Variants in MAML3 observed in about 807,000 individuals in gnomAD.
MAML3 encodes the protein mastermind-like protein 3.
MAML3 carries 27 observed loss-of-function variants against 101.9 expected under a neutral mutation model. That is an observed-to-expected ratio of 0.27 (90% CI 0.20 to 0.37). The LOEUF is 0.37. Among genes scored for constraint, MAML3 ranks in the 10% least tolerant of loss-of-function variants. The pLI is 1.00. For missense variants in MAML3, 1,316 were observed against 1,444.9 expected (o/e 0.91, Z 1.45); for synonymous variants, 501 against 555.9 (o/e 0.90, Z 1.39).
chr4:139,781,683 T>G (rs2111080364), intron 2 of MAML3, among the ~76,000 whole-genome samples: 1 of 152,196 alleles, frequency 6.6e-6, no homozygotes, highest in Admixed American at 6.5e-5. Flanking sequence ...CACAGGGCAG[T>G]GAAGTGTGGT....
chr4:139,830,249 C>A (rs886247384), intron 2 of MAML3, among the ~76,000 whole-genome samples: 4 of 152,122 alleles, frequency 2.6e-5, no homozygotes, highest in Non-Finnish European at 4.4e-5. Context: ...AGTGGAGGAC[C>A]TTGACAGTCC....
At chr4:140,013,724 G>T (rs1726600681) in intron 1 of MAML3, among the ~76,000 whole-genome samples, 1 of 152,142 alleles carries the variant, frequency 6.6e-6, no homozygotes, top group African/African-American at 2.4e-5. Flanking sequence ...TCCATTTCTG[G>T]AGCATGAGCT....
chr4:139,954,499 A>G (rs1453912385), intron 1 of MAML3, among the ~76,000 whole-genome samples: 1 of 152,182 alleles, frequency 6.6e-6, no homozygotes, highest in East Asian at 1.9e-4. Context: ...ACCCATGACA[A>G]GTACAGCTGC....
At chr4:139,947,426 T>C (rs1210265865) in intron 1 of MAML3, among the ~76,000 whole-genome samples, 1 of 152,188 alleles carries the variant, frequency 6.6e-6, no homozygotes, top group African/African-American at 2.4e-5. Flanking sequence ...CACACATCTC[T>C]GCCACCAGGA....
At chr4:140,074,175 G>GAA (rs147103242) in intron 1 of MAML3, among the ~76,000 whole-genome samples, 1 of 74,446 alleles carries the variant, frequency 1.3e-5, no homozygotes. Context: ...AGGAAAGAAA[G>GAA]AAAGAGAGAG....
At chr4:140,152,514 C>T (rs1178587119) in intron 1 of MAML3, among the ~76,000 whole-genome samples, 1 of 151,992 alleles carries the variant, frequency 6.6e-6, no homozygotes. Flanking sequence ...GGTTTCAACT[C>T]AGGGGTTCAC....
intron 2 of MAML3, among the ~76,000 whole-genome samples, chr4:139,787,835 T>G (rs1039707284): frequency 1.3e-5 from 2 of 152,222 alleles, no homozygotes; most frequent in African/African-American, 4.8e-5. Flanking sequence ...GCTTTCACAC[T>G]ACCCAATCCC....
At chr4:140,148,574 A>G (rs1729103217) in intron 1 of MAML3, among the ~76,000 whole-genome samples, 1 of 152,230 alleles carries the variant, frequency 6.6e-6, no homozygotes, top group Non-Finnish European at 1.5e-5. Context: ...TAAGCCAAAG[A>G]AAAGGTTATC....
intron 2 of MAML3, among the ~76,000 whole-genome samples, chr4:139,786,420 C>T (rs1730304967): frequency 6.6e-6 from 1 of 152,068 alleles, no homozygotes; most frequent in African/African-American, 2.4e-5. Context: ...TGATATATGG[C>T]TTATGAAGAG....
chr4:139,933,792 G>A (rs1490072734), intron 1 of MAML3, among the ~76,000 whole-genome samples: 1 of 152,170 alleles, frequency 6.6e-6, no homozygotes, highest in Admixed American at 6.5e-5. Flanking sequence ...GAACCCTTCC[G>A]CTTCCTGAGG....
chr4:140,125,086 TA>T (rs1728663875), intron 1 of MAML3, among the ~76,000 whole-genome samples: 2 of 152,238 alleles, frequency 1.3e-5, no homozygotes, highest in South Asian at 4.1e-4. Context: ...AACTTTAGCT[TA>T]TTTTTCTATA....
chr4:140,127,107 A>G (rs1728696887), intron 1 of MAML3, among the ~76,000 whole-genome samples: 1 of 152,202 alleles, frequency 6.6e-6, no homozygotes, highest in Admixed American at 6.5e-5. Flanking sequence ...CATAGGGCTT[A>G]TGCTTCTGAG....
chr4:139,886,735 T>A (rs1351056996), intron 2 of MAML3, among the ~76,000 whole-genome samples: 2 of 152,196 alleles, frequency 1.3e-5, no homozygotes, highest in African/African-American at 4.8e-5. Context: ...TGTTCAACCA[T>A]CTGATCAAAA....
chr4:139,851,107 T>TC (rs1731539413), intron 2 of MAML3, among the ~76,000 whole-genome samples: 1 of 152,192 alleles, frequency 6.6e-6, no homozygotes, highest in Non-Finnish European at 1.5e-5. Flanking sequence ...TCAAATACTG[T>TC]CCCTCCAGGC....
chr4:140,048,250 T>C (rs539532521), intron 1 of MAML3, among the ~76,000 whole-genome samples: 1 of 152,326 alleles, frequency 6.6e-6, no homozygotes, highest in South Asian at 2.1e-4. Flanking sequence ...TATCATTCTT[T>C]TGATATCTTC....
At chr4:139,782,851 C>G (rs969248423) in intron 2 of MAML3, among the ~76,000 whole-genome samples, 1 of 152,166 alleles carries the variant, frequency 6.6e-6, no homozygotes, top group African/African-American at 2.4e-5. Context: ...TTGGGAATCA[C>G]CTTTCACCTA....
chr4:139,769,246 A>G (rs1039397952), intron 2 of MAML3, among the ~76,000 whole-genome samples: 1 of 152,160 alleles, frequency 6.6e-6, no homozygotes, highest in East Asian at 1.9e-4. Context: ...CTCCTACAGG[A>G]GGAGAGATGC....
chr4:139,875,132 A>T (rs184459988), intron 2 of MAML3, among the ~76,000 whole-genome samples: 117 of 152,226 alleles, frequency 7.7e-4, no homozygotes, highest in Non-Finnish European at 1.9e-4. Flanking sequence ...ATGAAAACCT[A>T]AAGTACAAAC....
intron 3 of MAML3, among the ~76,000 whole-genome samples, chr4:139,727,996 G>C (rs1728546215): frequency 6.6e-6 from 1 of 152,152 alleles, no homozygotes; most frequent in African/African-American, 2.4e-5. Flanking sequence ...CAGGCAGATT[G>C]CTTGAGCCCA....
Sources: gnomAD v4.1 joint callset for allele counts (sites outside exome capture counted in the v4.1 genomes callset) on GRCh38, gnomAD v4.1.1 for gene constraint, MANE v1.5 for transcripts, NCBI Gene and HGNC (gene_info 2026-07-23, HGNC 2026-07-21) for gene names.